PRH1: variants seen among roughly 807,000 people sequenced by gnomAD.
PRH1 encodes salivary acidic proline-rich phosphoprotein 1/2.
A neutral mutation model predicts 7.9 loss-of-function variants in PRH1; 7 were observed. That is an observed-to-expected ratio of 0.89 (90% CI 0.50 to 1.67). The LOEUF (loss-of-function observed/expected upper bound fraction) is 1.67. PRH1 is among the 40% of genes most tolerant of loss of function. PRH1 has a pLI of 0.00. For missense variants in PRH1, 109 were observed against 223.6 expected, an observed-to-expected ratio of 0.49 and a Z score of 3.27; for synonymous variants, 45 against 80.8, an observed-to-expected ratio of 0.56 and a Z score of 2.38.
chr12:11,150,677 G>A (rs905681934), intron 1 of PRH1, among the ~76,000 whole-genome samples: 8 of 152,072 alleles, frequency 5.3e-5, no homozygotes, highest in Non-Finnish European at 7.4e-5. Context: ...TTGTGGGGTT[G>A]GGGGAAGGGG....
rs369022458 is a variant in PRH1, at chr12:10,966,626, T to C, written c.-59+7029A>G. Among the ~76,000 whole-genome samples the C allele has an allele frequency of 3.9e-5, 6 of 152,286 alleles. No individual in the cohort carries two copies. The East Asian group carries it at 7.7e-4, about 20-fold the overall frequency. ...TCCAGCAAACCCAGCTTAGAAAAAC[T>C]GAATCCAAAGACATGTGAGATATCA... is the stretch of plus-strand genomic sequence containing the variant. On this transcript the variant is annotated intron_variant, in intron 2 of 3. Transcript: ENST00000539853.
chr12:10,913,450 G>A lies in PRH1; in HGVS notation c.-58-29175C>T, dbSNP rs578000939. Among the ~76,000 whole-genome samples the A allele has an allele frequency of 1.4e-4, 16 of 114,402 alleles. No homozygotes were observed. The East Asian group carries it at 4.0e-3, about 29-fold the overall frequency. The allele number at this position is 114,402 out of a possible 152,430, so 75.1% of individuals were successfully genotyped here. Reference sequence around the variant, plus strand: ...AGTGTGGGTGACAAAGCGAGACTCCGTCTCAAAAAAAAAAAATCTATTTAG... The same window carrying A: ...AGTGTGGGTGACAAAGCGAGACTCCATCTCAAAAAAAAAAAATCTATTTAG... On this transcript the variant is annotated intron_variant, in intron 2 of 3. Coordinates refer to the PRH1 transcript ENST00000539853.
At chr12:10,893,016 A>G (rs1023545838) in intron 2 of PRH1, among the ~76,000 whole-genome samples, 1 of 152,218 alleles carries the variant, frequency 6.6e-6, no homozygotes, top group Non-Finnish European at 1.5e-5. Flanking sequence ...GTGAAATCTT[A>G]TATCAATAAC....
intron 1 of PRH1, among the ~76,000 whole-genome samples, chr12:11,015,239 A>G (rs1219619092): frequency 6.6e-6 from 1 of 152,284 alleles, no homozygotes; most frequent in African/African-American, 2.4e-5. Flanking sequence ...ATCATGGGAA[A>G]AGGAACACAA....
At chr12:11,133,491 A>G in intron 1 of PRH1, 1 of 1,614,134 alleles carries the variant, frequency 6.2e-7, no homozygotes, top group Non-Finnish European at 8.5e-7. Flanking sequence ...AGCCTCCCAA[A>G]ATTACAAACT....
intron 1 of PRH1, among the ~76,000 whole-genome samples, chr12:11,161,366 G>A (rs1260278878): frequency 6.6e-6 from 1 of 152,240 alleles, no homozygotes; most frequent in Non-Finnish European, 1.5e-5. Context: ...CTGAAAGTGG[G>A]AGAATTTGTT....
intron 1 of PRH1, among the ~76,000 whole-genome samples, chr12:11,014,368 C>T (rs1265235812): frequency 6.7e-6 from 1 of 148,906 alleles, no homozygotes; most frequent in Admixed American, 6.7e-5. Flanking sequence ...AAACTAAGTT[C>T]AATGCAGCTA....
intron 2 of PRH1, among the ~76,000 whole-genome samples, chr12:10,897,727 AC>A (rs1260193853): frequency 6.6e-6 from 1 of 152,124 alleles, no homozygotes; most frequent in African/African-American, 2.4e-5. Context: ...GAGGTGCCTT[AC>A]ACTTTCAAAC....
intron 1 of PRH1, among the ~76,000 whole-genome samples, chr12:11,141,050 C>T (rs1318960951): frequency 6.6e-6 from 1 of 152,128 alleles, no homozygotes; most frequent in African/African-American, 2.4e-5. Flanking sequence ...TACAAACACA[C>T]TCACACACAT....
At position 11,077,472 on chromosome 12, in the gene PRH1, G is replaced by A. The variant is rs1208099318; in HGVS notation, n.124-30284C>T. 6.7e-6 allele frequency: 6 copies of A among 889,276 alleles called. 2 individuals carry two copies. Among genetic ancestry groups the A allele is most frequent in the African/African-American group, 5.3e-5 (3 of 56,426 alleles). The allele number at this position is 889,276 out of a possible 1,614,324, so 55.1% of individuals were successfully genotyped here. ...TTTGGCAAAGCAGGAATACAAGTTT[G>A]TTCTGCTGTGTTCAAAGATTCCAGG... is the stretch of plus-strand genomic sequence containing the variant. On this transcript the variant is annotated intron_variant and non_coding_transcript_variant, in intron 1 of 4. Transcript: ENST00000541977.
chr12:11,155,877 A>G (rs1196977296), intron 1 of PRH1, among the ~76,000 whole-genome samples: 1 of 152,144 alleles, frequency 6.6e-6, no homozygotes, highest in Non-Finnish European at 1.5e-5. Flanking sequence ...ATTGAATTTG[A>G]TACTCAGACT....
rs1471727887 is a variant in PRH1, at chr12:10,941,594, A to C, written c.-59+32061T>G. On this transcript the variant is annotated intron_variant, in intron 2 of 3. Transcript: ENST00000539853. ...ATTAAAATTTATTATTTATTATTAAAATTTATTTGAATATTTCTCCCTTCA... is the reference window on the plus strand; with the variant it reads ...ATTAAAATTTATTATTTATTATTAACATTTATTTGAATATTTCTCCCTTCA... Among the ~76,000 whole-genome samples, 5 of 150,660 alleles carry C rather than the reference A, an allele frequency of 3.3e-5. No individual in the cohort carries two copies. In the South Asian group the frequency reaches 1.0e-3, roughly 32 times the overall value.
intron 1 of PRH1, among the ~76,000 whole-genome samples, chr12:11,149,479 C>G (rs1217579250): frequency 2.0e-5 from 3 of 151,480 alleles, no homozygotes; most frequent in Non-Finnish European, 4.4e-5. Flanking sequence ...AGATATAGAT[C>G]AATGGAACAG....
At chr12:11,007,498 A>G (rs1293285846) in intron 1 of PRH1, among the ~76,000 whole-genome samples, 3 of 152,070 alleles carry the variant, frequency 2.0e-5, no homozygotes, top group Admixed American at 6.6e-5. Flanking sequence ...AAGTCTATTT[A>G]ATGTTTAAAT....
chr12:10,947,098 T>C (rs1414277841), intron 2 of PRH1, among the ~76,000 whole-genome samples: 2 of 152,172 alleles, frequency 1.3e-5, no homozygotes, highest in South Asian at 2.1e-4. Flanking sequence ...AAAGAATGTA[T>C]ATTCTCTTAT....
intron 2 of PRH1, among the ~76,000 whole-genome samples, chr12:10,962,420 T>C (rs372281109): frequency 6.6e-6 from 1 of 152,230 alleles, no homozygotes; most frequent in South Asian, 2.1e-4. Flanking sequence ...GGGTGCCATG[T>C]GATTTTGATG....
At chr12:10,881,998 G>C (rs1451775223) in intron 3 of PRH1, among the ~76,000 whole-genome samples, 5 of 152,202 alleles carry the variant, frequency 3.3e-5, no homozygotes, top group Non-Finnish European at 1.5e-5. Context: ...GTAATTTGAA[G>C]ATAGTGATTC....
downstream of PRH1, among the ~76,000 whole-genome samples, chr12:11,117,022 G>A (rs975285066): frequency 6.6e-6 from 1 of 152,040 alleles, no homozygotes; most frequent in African/African-American, 2.4e-5. Context: ...TGACAAGAAT[G>A]CTCACATTCA....
At chr12:10,905,446 A>G in intron 2 of PRH1, among the ~76,000 whole-genome samples, 1 of 152,038 alleles carries the variant, frequency 6.6e-6, no homozygotes, top group East Asian at 1.9e-4. Flanking sequence ...GTGGGCAGAT[A>G]CCTGTGGTCA....
Sources: gnomAD v4.1 joint callset for allele counts (sites outside exome capture counted in the v4.1 genomes callset) on GRCh38, gnomAD v4.1.1 for gene constraint, MANE v1.5 for transcripts, NCBI Gene and HGNC (gene_info 2026-07-23, HGNC 2026-07-21) for gene names.